ANO3: variants seen among roughly 807,000 people sequenced by gnomAD.
The protein encoded by ANO3 is anoctamin 3, also known as anoctamin-3.
In ANO3, 99 loss-of-function variants were observed where a neutral mutation model predicts 144.8. The ratio of observed to expected loss-of-function variants is 0.68; its 90% CI spans 0.58 to 0.81. ANO3 has a LOEUF of 0.81. ANO3 is among the 30% of genes least tolerant of loss of function. The probability of loss-of-function intolerance (pLI) is 0.00; values close to 1 mark genes in which losing one functional copy is unlikely to be tolerated. For synonymous variants in ANO3, 414 were observed against 392.6 expected (o/e 1.05, Z -0.64); for missense variants, 905 against 1,202.2 (o/e 0.75, Z 3.66).
intron 24 of ANO3, among the ~76,000 whole-genome samples, chr11:26,653,284 A>G (rs1015527762): frequency 6.6e-6 from 1 of 152,162 alleles, no homozygotes; most frequent in Non-Finnish European, 1.5e-5. Flanking sequence ...GCCCATATCA[A>G]TTAACAGCAA....
intron 1 of ANO3, among the ~76,000 whole-genome samples, chr11:26,221,347 A>G (rs1203386967): frequency 6.6e-6 from 1 of 152,168 alleles, no homozygotes; most frequent in Non-Finnish European, 1.5e-5. Context: ...AGTCTCGTAT[A>G]AATTACCATT....
intron 5 of ANO3, among the ~76,000 whole-genome samples, chr11:26,508,998 C>T (rs1267316245): frequency 2.0e-5 from 3 of 151,180 alleles, no homozygotes; most frequent in African/African-American, 7.3e-5. Context: ...GCTAGGTGCC[C>T]CTCAGTAAAT....
At chr11:26,262,797 G>C (rs1432587879) in intron 1 of ANO3, among the ~76,000 whole-genome samples, 1 of 151,796 alleles carries the variant, frequency 6.6e-6, no homozygotes, top group Non-Finnish European at 1.5e-5. Context: ...ATGAGAAGAT[G>C]GCTGCCTGCA....
chr11:26,587,858 A>AG lies in ANO3; in HGVS notation c.1448-10505dup, dbSNP rs1394518889. ...CTAGTCTCAGCTACTCAGGAGGCTG[A>AG]GGCAAGAGAATCACTTGAACCCAAG... is the stretch of plus-strand genomic sequence containing the variant. On this transcript the variant is annotated intron_variant, in intron 14 of 26. Transcript: ENST00000256737. Among the ~76,000 whole-genome samples, 5 of 150,754 alleles carry AG rather than the reference A, an allele frequency of 3.3e-5. No individual in the cohort carries two copies. The East Asian group carries it at 9.9e-4, about 30-fold the overall frequency.
chr11:26,459,464 G>C (rs1393074459), intron 3 of ANO3, among the ~76,000 whole-genome samples: 4 of 151,928 alleles, frequency 2.6e-5, no homozygotes, highest in Non-Finnish European at 2.9e-5. Context: ...GTTTAGACAG[G>C]ATTTGGGCAT....
intron 1 of ANO3, among the ~76,000 whole-genome samples, chr11:26,212,752 G>T (rs567824975): frequency 6.6e-6 from 1 of 151,864 alleles, no homozygotes; most frequent in Non-Finnish European, 1.5e-5. Context: ...CTAAACAATA[G>T]AAAAAGAGGG....
intron 1 of ANO3, among the ~76,000 whole-genome samples, chr11:26,351,379 TG>T (rs373934997): frequency 3.9e-5 from 6 of 152,174 alleles, no homozygotes; most frequent in African/African-American, 1.2e-4. Context: ...AAGAGAACCT[TG>T]AAGATCCTGT....
intron 1 of ANO3, among the ~76,000 whole-genome samples, chr11:26,394,307 A>AT (rs1318592027): frequency 6.6e-5 from 10 of 152,148 alleles, no homozygotes; most frequent in African/African-American, 2.4e-4. Flanking sequence ...AATCAGAGAA[A>AT]TTTTGGGATT....
chr11:26,532,723 A>C (rs565219938), intron 8 of ANO3, among the ~76,000 whole-genome samples: 1 of 151,876 alleles, frequency 6.6e-6, no homozygotes, highest in South Asian at 2.1e-4. Flanking sequence ...CCAAATCTTC[A>C]TATGGCGTAG....
intron 1 of ANO3, among the ~76,000 whole-genome samples, chr11:26,429,542 G>A (rs1181125979): frequency 6.7e-6 from 1 of 149,898 alleles, no homozygotes; most frequent in Non-Finnish European, 1.5e-5. Flanking sequence ...ACAGATTTGA[G>A]ACCAAATGTG....
intron 3 of ANO3, among the ~76,000 whole-genome samples, chr11:26,461,225 T>C (rs1340994817): frequency 6.6e-6 from 1 of 152,072 alleles, no homozygotes; most frequent in Non-Finnish European, 1.5e-5. Context: ...TGGCAGTCAA[T>C]GGTAGGGTTT....
chr11:26,286,692 C>T (rs1055488266), intron 1 of ANO3, among the ~76,000 whole-genome samples: 1 of 152,094 alleles, frequency 6.6e-6, no homozygotes, highest in African/African-American at 2.4e-5. Flanking sequence ...GCTGACACAC[C>T]ACTCAGTAAT....
intron 3 of ANO3, among the ~76,000 whole-genome samples, chr11:26,449,495 A>C (rs200873469): frequency 1.6e-4 from 21 of 127,640 alleles, no homozygotes; most frequent in Non-Finnish European, 3.6e-4. Context: ...TCTCACACAC[A>C]CACACACACA....
intron 17 of ANO3, among the ~76,000 whole-genome samples, chr11:26,614,632 C>A (rs941816908): frequency 6.6e-6 from 1 of 152,024 alleles, no homozygotes; most frequent in Non-Finnish European, 1.5e-5. Flanking sequence ...GGATTTGAGG[C>A]CTGTGGGGAT....
intron 1 of ANO3, among the ~76,000 whole-genome samples, chr11:26,430,751 A>G (rs1370924642): frequency 6.6e-6 from 1 of 152,240 alleles, no homozygotes; most frequent in Non-Finnish European, 1.5e-5. Flanking sequence ...TCACAGATAT[A>G]CAAAATAAGA....
chr11:26,313,939 T>C (rs189471925), intron 1 of ANO3, among the ~76,000 whole-genome samples: 2 of 151,030 alleles, frequency 1.3e-5, no homozygotes, highest in Non-Finnish European at 2.9e-5. Flanking sequence ...GAGACAGAAG[T>C]GAGCATGACT....
intron 1 of ANO3, among the ~76,000 whole-genome samples, chr11:26,411,200 A>G (rs777455833): frequency 6.6e-6 from 1 of 152,004 alleles, no homozygotes; most frequent in African/African-American, 2.4e-5. Context: ...ATGGCATTTC[A>G]TGATTTGAAA....
chr11:26,285,108 T>TA (rs1554933822), intron 1 of ANO3, among the ~76,000 whole-genome samples: 10 of 152,070 alleles, frequency 6.6e-5, no homozygotes, highest in Admixed American at 2.6e-4. Flanking sequence ...TTTTTTTTTT[T>TA]AATTATGGTA....
chr11:26,419,044 C>T (rs1484834426), intron 1 of ANO3, among the ~76,000 whole-genome samples: 2 of 152,094 alleles, frequency 1.3e-5, no homozygotes, highest in African/African-American at 2.4e-5. Context: ...GTTCTGCAGG[C>T]TGTACAGAAA....
Sources: gnomAD v4.1 joint callset for allele counts (sites outside exome capture counted in the v4.1 genomes callset) on GRCh38, gnomAD v4.1.1 for gene constraint, MANE v1.5 for transcripts, NCBI Gene and HGNC (gene_info 2026-07-23, HGNC 2026-07-21) for gene names.